Variants in ARID4B observed in about 807,000 individuals in gnomAD.
ARID4B encodes the protein AT-rich interactive domain-containing protein 4B.
A neutral mutation model predicts 147.5 loss-of-function variants in ARID4B; 26 were observed. That is an observed-to-expected ratio of 0.18 (90% CI 0.13 to 0.24). The LOEUF (loss-of-function observed/expected upper bound fraction) is 0.24. Ranked by LOEUF, ARID4B falls within the 10% of genes least tolerant of loss-of-function variation. The pLI, the probability that ARID4B is intolerant of heterozygous loss-of-function variation, is 1.00. For synonymous variants in ARID4B, 512 were observed against 507.9 expected (o/e 1.01, Z -0.11); for missense variants, 1,179 against 1,511.5 (o/e 0.78, Z 3.65).
intron 23 of ARID4B, among the ~76,000 whole-genome samples, chr1:235,171,214 G>A (rs1254530902): frequency 6.6e-6 from 1 of 151,968 alleles, no homozygotes; most frequent in Non-Finnish European, 1.5e-5. Flanking sequence ...GGCGGATCAC[G>A]AAGTCAAGAG....
chr1:235,292,114 T>G (rs77720138), intron 2 of ARID4B, among the ~76,000 whole-genome samples: 20 of 152,204 alleles, frequency 1.3e-4, no homozygotes, highest in Non-Finnish European at 2.8e-4. Flanking sequence ...CAGATACAAC[T>G]TATAATGTAA....
chr1:235,263,357 C>T (rs991064135), intron 2 of ARID4B, among the ~76,000 whole-genome samples: 1 of 152,214 alleles, frequency 6.6e-6, no homozygotes, highest in Admixed American at 6.5e-5. Context: ...AGAATACTAA[C>T]ATCTTTAGAC....
intron 23 of ARID4B, among the ~76,000 whole-genome samples, chr1:235,170,318 A>G (rs1477005409): frequency 1.3e-5 from 2 of 152,232 alleles, no homozygotes; most frequent in Non-Finnish European, 2.9e-5. Flanking sequence ...TGGCCCACAA[A>G]GCCTAACATA....
intron 2 of ARID4B, among the ~76,000 whole-genome samples, chr1:235,284,647 A>G (rs1671860346): frequency 6.6e-6 from 1 of 152,142 alleles, no homozygotes; most frequent in Admixed American, 6.6e-5. Flanking sequence ...ACATAACAAG[A>G]TACCATCTCT....
intron 9 of ARID4B, among the ~76,000 whole-genome samples, chr1:235,234,094 AT>A (rs1279458045): frequency 1.3e-5 from 2 of 152,188 alleles, no homozygotes; most frequent in East Asian, 1.9e-4. Context: ...AAACAAAAAA[AT>A]CAATAAAGTA....
At chr1:235,232,436 A>C (rs1396058499) in intron 9 of ARID4B, among the ~76,000 whole-genome samples, 2 of 151,700 alleles carry the variant, frequency 1.3e-5, no homozygotes, top group Admixed American at 1.3e-4. Flanking sequence ...AAAGTAAATA[A>C]AATAAAATAA....
chr1:235,287,644 A>T (rs1164868099), intron 2 of ARID4B, among the ~76,000 whole-genome samples: 1 of 152,240 alleles, frequency 6.6e-6, no homozygotes, highest in African/African-American at 2.4e-5. Context: ...CTACCCAGTA[A>T]TTCAACCGGC....
intron 17 of ARID4B, among the ~76,000 whole-genome samples, chr1:235,196,420 A>G (rs1464213438): frequency 6.6e-6 from 1 of 152,248 alleles, no homozygotes; most frequent in East Asian, 1.9e-4. Flanking sequence ...TACAGTAAGT[A>G]TTAAGATAAA....
chr1:235,175,402 G>C lies in ARID4B; in HGVS notation c.3449-3C>G. The C allele has an allele frequency of 6.3e-7, 1 of 1,595,522 alleles. No homozygotes were observed. Among genetic ancestry groups the C allele is most frequent in the Non-Finnish European group, 8.6e-7 (1 of 1,167,530 alleles). ...TTCTTCACTATCACTACTATTTGCT[G>C]AAAGAGAAAGAAAAGATTTAATAAA... On this transcript the variant is annotated splice_polypyrimidine_tract_variant and splice_region_variant and intron_variant, in intron 21 of 23. Transcript: ENST00000264183.
chr1:235,327,187 G>C lies in ARID4B; in HGVS notation c.-49-219C>G, dbSNP rs570518660. ...AGCTCGGCAGCTTCCCGTCCCCATT[G>C]TCGAGACCCGACGGAGTTTCCCGTC... On this transcript the variant is annotated intron_variant, in intron 1 of 23. Coordinates refer to ENST00000264183, the MANE Select transcript of ARID4B (RefSeq NM_016374.6). 27 of 440,128 alleles carry C rather than the reference G, an allele frequency of 6.1e-5. No homozygotes were observed. In the Admixed American group the frequency reaches 9.8e-4, roughly 16 times the overall value. The allele number at this position is 440,128 out of a possible 1,614,324, so 27.3% of individuals were successfully genotyped here. A position where few individuals can be genotyped will look rare whatever the true frequency, so the allele number is the denominator to read the frequency against.
At chr1:235,230,896 C>A (rs943493956) in intron 10 of ARID4B, among the ~76,000 whole-genome samples, 1 of 148,360 alleles carries the variant, frequency 6.7e-6, no homozygotes. Flanking sequence ...CCACCCTGGG[C>A]GACAGAGCAA....
At chr1:235,250,576 T>A (rs548356924) in intron 6 of ARID4B, among the ~76,000 whole-genome samples, 1 of 152,172 alleles carries the variant, frequency 6.6e-6, no homozygotes, top group South Asian at 2.1e-4. Flanking sequence ...TAATGCTTTT[T>A]CTCCTCCAAC....
intron 5 of ARID4B, among the ~76,000 whole-genome samples, chr1:235,255,128 G>A (rs1402319768): frequency 1.3e-5 from 2 of 151,670 alleles, no homozygotes; most frequent in Non-Finnish European, 2.9e-5. Context: ...TATTGTAATA[G>A]TAAGAAAACT....
At position 235,252,816 on chromosome 1, in the gene ARID4B, G is replaced by A. The variant is rs879607309; in HGVS notation, c.275-7C>T. ...TCATCTCCGTCATCAAAAACTATGAGAGGGGGTAAAAATGGAAGCTACTGA... is the reference window on the plus strand; with the variant it reads ...TCATCTCCGTCATCAAAAACTATGAAAGGGGGTAAAAATGGAAGCTACTGA... On this transcript the variant is annotated splice_polypyrimidine_tract_variant and splice_region_variant and intron_variant, in intron 5 of 23. Coordinates refer to ENST00000264183, the MANE Select transcript of ARID4B (RefSeq NM_016374.6). The A allele has an allele frequency of 5.7e-5, 92 of 1,606,534 alleles. No homozygotes were observed. In the Admixed American group the frequency reaches 1.6e-3, roughly 27 times the overall value.
At chr1:235,255,283 CTCTCTATA>C (rs1408325351) in intron 5 of ARID4B, among the ~76,000 whole-genome samples, 4 of 91,176 alleles carry the variant, frequency 4.4e-5, no homozygotes, top group African/African-American at 1.2e-4. Flanking sequence ...CTCTCTCTCT[CTCTCTATA>C]TATATATATA....
chr1:235,168,747 A>C, intron 23 of ARID4B, 95 bp from the exon 24 acceptor site: 1 of 1,301,830 alleles, frequency 7.7e-7, no homozygotes. Context: ...ATTCCGCTAT[A>C]TTGTCCAAAA....
At chr1:235,183,525 T>G in intron 19 of ARID4B, among the ~76,000 whole-genome samples, 1 of 152,102 alleles carries the variant, frequency 6.6e-6, no homozygotes, top group African/African-American at 2.4e-5. Flanking sequence ...TATACTCTTA[T>G]GAAACTATAG....
chr1:235,267,689 G>A (rs1054087604), intron 2 of ARID4B, among the ~76,000 whole-genome samples: 4 of 151,990 alleles, frequency 2.6e-5, no homozygotes, highest in East Asian at 1.9e-4. Flanking sequence ...AAAATTAGCC[G>A]GGTGTGGTGG....
intron 2 of ARID4B, among the ~76,000 whole-genome samples, chr1:235,290,012 C>T (rs1266283440): frequency 4.7e-5 from 7 of 149,204 alleles, no homozygotes; most frequent in South Asian, 4.3e-4. Flanking sequence ...CCAGCCTGGA[C>T]GATATAGTGA....
Sources: allele counts gnomAD v4.1 joint callset (sites outside exome capture counted in the v4.1 genomes callset), GRCh38; gene constraint gnomAD v4.1.1; transcripts MANE v1.5; gene names NCBI Gene and HGNC (gene_info 2026-07-23, HGNC 2026-07-21).